MTHFD2L: variants seen among roughly 807,000 people sequenced by gnomAD.
MTHFD2L encodes methylenetetrahydrofolate dehydrogenase (NADP+ dependent) 2 like.
A neutral mutation model predicts 34.9 loss-of-function variants in MTHFD2L; 29 were observed. The observed-to-expected ratio is 0.83, with a 90% CI of 0.62 to 1.13. The LOEUF is 1.13. Among genes scored for constraint, MTHFD2L ranks in the 50% most tolerant of loss-of-function variants. MTHFD2L has a pLI of 0.00. For missense variants in MTHFD2L, 481 were observed against 446.5 expected (o/e 1.08, Z -0.70); for synonymous variants, 167 against 155.7 (o/e 1.07, Z -0.54).
intron 5 of MTHFD2L, among the ~76,000 whole-genome samples, chr4:74,207,317 AC>A (rs1441954383): frequency 6.6e-6 from 1 of 152,138 alleles, no homozygotes; most frequent in Non-Finnish European, 1.5e-5. Flanking sequence ...CGCTCCTTTG[AC>A]TAAAAGGTTC....
upstream of MTHFD2L, among the ~76,000 whole-genome samples, chr4:74,121,579 T>C: frequency 6.8e-6 from 1 of 146,540 alleles, no homozygotes; most frequent in African/African-American, 2.5e-5. Flanking sequence ...TGGTGAGTTG[T>C]ATAATTATTT....
intron 3 of MTHFD2L, among the ~76,000 whole-genome samples, chr4:74,198,789 A>G (rs1388992148): frequency 2.0e-5 from 3 of 152,148 alleles, no homozygotes; most frequent in African/African-American, 7.2e-5. Flanking sequence ...AGACTTTCCA[A>G]AGACTCAGTT....
intron 1 of MTHFD2L, among the ~76,000 whole-genome samples, chr4:74,137,711 C>T (rs1723029437): frequency 6.6e-6 from 1 of 152,034 alleles, no homozygotes. Context: ...AATTTAAGTG[C>T]CCATAAATGG....
intron 3 of MTHFD2L, among the ~76,000 whole-genome samples, chr4:74,176,013 C>A (rs533946056): frequency 6.6e-6 from 1 of 152,076 alleles, no homozygotes; most frequent in Non-Finnish European, 1.5e-5. Flanking sequence ...GATTAGCTCC[C>A]AGTATTTTGT....
chr4:74,141,709 T>G (rs184910526), intron 1 of MTHFD2L, among the ~76,000 whole-genome samples: 17 of 152,312 alleles, frequency 1.1e-4, no homozygotes, highest in Admixed American at 4.6e-4. Flanking sequence ...AATAGGATAA[T>G]TTTTGAAATA....
chr4:74,217,048 A>G (rs1213584350), intron 5 of MTHFD2L, among the ~76,000 whole-genome samples: 3 of 151,824 alleles, frequency 2.0e-5, no homozygotes, highest in Non-Finnish European at 4.4e-5. Flanking sequence ...CCTGGGCTGT[A>G]TCTCCTAACT....
chr4:74,147,321 T>A (rs1482220814), intron 1 of MTHFD2L, among the ~76,000 whole-genome samples: 1 of 152,160 alleles, frequency 6.6e-6, no homozygotes, highest in Non-Finnish European at 1.5e-5. Context: ...TCTAACAAAC[T>A]CAGAGCCCTG....
intron 3 of MTHFD2L, among the ~76,000 whole-genome samples, chr4:74,192,820 C>CT (rs1013366123): frequency 2.6e-4 from 40 of 151,400 alleles, no homozygotes; most frequent in East Asian, 2.3e-3. Flanking sequence ...ACTTTGAGTG[C>CT]TTTTTTTTAT....
chr4:74,257,918 T>A (rs187031361), intron 6 of MTHFD2L, among the ~76,000 whole-genome samples: 37 of 152,184 alleles, frequency 2.4e-4, no homozygotes, highest in Non-Finnish European at 4.4e-4. Flanking sequence ...ATTTTCTTAG[T>A]GAGCAAAAGA....
chr4:74,138,234 C>G (rs1425582793), intron 1 of MTHFD2L, among the ~76,000 whole-genome samples: 1 of 152,032 alleles, frequency 6.6e-6, no homozygotes, highest in East Asian at 1.9e-4. Flanking sequence ...TATTTCTTTT[C>G]GATGTACATC....
At chr4:74,278,636 C>T (rs1747003346) in intron 6 of MTHFD2L, among the ~76,000 whole-genome samples, 1 of 152,082 alleles carries the variant, frequency 6.6e-6, no homozygotes, top group Non-Finnish European at 1.5e-5. Flanking sequence ...CTATTATGGC[C>T]TCAGCTAAAG....
intron 1 of MTHFD2L, among the ~76,000 whole-genome samples, chr4:74,132,983 C>A (rs1722661752): frequency 6.6e-6 from 1 of 152,034 alleles, no homozygotes; most frequent in African/African-American, 2.4e-5. Flanking sequence ...GGGTTTTATA[C>A]CTTGAAATAT....
At chr4:74,214,440 T>C (rs1736854874) in intron 5 of MTHFD2L, among the ~76,000 whole-genome samples, 1 of 151,818 alleles carries the variant, frequency 6.6e-6, no homozygotes, top group Admixed American at 6.5e-5. Context: ...CCTTTCTGTT[T>C]GGTAGTTTTC....
chr4:74,163,412 T>TA lies in MTHFD2L; in HGVS notation c.143+5133dup, dbSNP rs763135906. On this transcript the variant is annotated intron_variant, in intron 1 of 7. Coordinates refer to ENST00000325278, the MANE Select transcript of MTHFD2L (RefSeq NM_001144978.3). Reference sequence around the variant, plus strand: ...CTTTTGTGGCACAAAGCTTAGCATCTAAGGTTCTTTCTGACAAAGTTAGTT... The same window carrying TA: ...CTTTTGTGGCACAAAGCTTAGCATCTAAAGGTTCTTTCTGACAAAGTTAGTT... Among the ~76,000 whole-genome samples, 5 of 152,372 alleles carry TA rather than the reference T, an allele frequency of 3.3e-5. No individual in the cohort carries two copies. The East Asian group carries it at 9.6e-4, about 29-fold the overall frequency.
intron 5 of MTHFD2L, among the ~76,000 whole-genome samples, chr4:74,205,195 GAAT>G (rs1408597317): frequency 1.3e-5 from 2 of 152,150 alleles, no homozygotes; most frequent in African/African-American, 4.8e-5. Flanking sequence ...TTAATATAAT[GAAT>G]CATTGAGAGC....
intron 1 of MTHFD2L, among the ~76,000 whole-genome samples, chr4:74,147,070 A>T (rs573203252): frequency 3.9e-5 from 6 of 152,234 alleles, no homozygotes; most frequent in Admixed American, 2.0e-4. Flanking sequence ...AGTTTCCTTA[A>T]AAACGGTTCC....
At chr4:74,147,851 G>T (rs548551362) in intron 1 of MTHFD2L, among the ~76,000 whole-genome samples, 124 of 152,146 alleles carry the variant, frequency 8.2e-4, no homozygotes, top group African/African-American at 2.9e-3. Flanking sequence ...AATTTTAATT[G>T]AGTTGTTTGG....
At chr4:74,256,431 G>A (rs1744037851) in intron 6 of MTHFD2L, among the ~76,000 whole-genome samples, 1 of 152,008 alleles carries the variant, frequency 6.6e-6, no homozygotes, top group Admixed American at 6.6e-5. Flanking sequence ...TATTTTTGTT[G>A]CGATTGCTTT....
intron 7 of MTHFD2L, among the ~76,000 whole-genome samples, chr4:74,299,386 TAGC>T (rs1029806642): frequency 7.9e-5 from 12 of 151,330 alleles, no homozygotes; most frequent in East Asian, 1.9e-4. Context: ...TAAGTAGTAG[TAGC>T]AGCAGCAGCA....
Sources: allele counts gnomAD v4.1 joint callset (sites outside exome capture counted in the v4.1 genomes callset), GRCh38; gene constraint gnomAD v4.1.1; transcripts MANE v1.5; gene names NCBI Gene and HGNC (gene_info 2026-07-23, HGNC 2026-07-21).